Variants in SLC8A3 observed in about 807,000 individuals in gnomAD.
The protein encoded by SLC8A3 is solute carrier family 8 member A3.
A neutral mutation model predicts 65.4 loss-of-function variants in SLC8A3; 37 were observed. The observed-to-expected ratio is 0.57, with a 90% CI of 0.44 to 0.74. The LOEUF is 0.74. Among genes scored for constraint, SLC8A3 ranks in the 30% least tolerant of loss-of-function variants. The probability of loss-of-function intolerance (pLI) is 0.00; values close to 1 mark genes in which losing one functional copy is unlikely to be tolerated. For missense variants in SLC8A3, 1,112 were observed against 1,172.1 expected (o/e 0.95, Z 0.75); for synonymous variants, 461 against 444.5 (o/e 1.04, Z -0.47).
chr14:70,066,539 G>A (rs746925028), intron 2 of SLC8A3, among the ~76,000 whole-genome samples: 1 of 152,084 alleles, frequency 6.6e-6, no homozygotes, highest in Admixed American at 6.6e-5. Flanking sequence ...TGGCCAGCGC[G>A]GTGCCTCACA....
Position 70,097,945 on chromosome 14 carries a change from TAAACCTCC to T in SLC8A3, c.1785-37014_1785-37007del, listed in dbSNP as rs1892299232. 3.9e-5 allele frequency among the ~76,000 whole-genome samples: 6 copies of T among 152,336 alleles called. No individual in the cohort carries two copies. The South Asian group carries it at 8.3e-4, about 21-fold the overall frequency. On this transcript the variant is annotated intron_variant, in intron 2 of 6. Transcript: ENST00000356921. The stretch of plus-strand genomic sequence containing the variant: ...ACCCCCTAGATCCCGTCTTTGAACA[TAAACCTCC>T]AATGTGTTAGTGTTGTCCTCTCTTT...
intron 2 of SLC8A3, among the ~76,000 whole-genome samples, chr14:70,067,489 GCTA>G (rs1889563713): frequency 6.6e-6 from 1 of 152,198 alleles, no homozygotes; most frequent in African/African-American, 2.4e-5. Context: ...TATCTGACTT[GCTA>G]CAGTAGTCCC....
At chr14:70,146,750 A>T (rs184329646) in intron 2 of SLC8A3, among the ~76,000 whole-genome samples, 3 of 152,054 alleles carry the variant, frequency 2.0e-5, no homozygotes, top group Admixed American at 2.0e-4. Flanking sequence ...CGTTTTTCAC[A>T]TGTTTGTGTT....
At chr14:70,097,068 G>C (rs1566777516) in intron 2 of SLC8A3, among the ~76,000 whole-genome samples, 1 of 152,160 alleles carries the variant, frequency 6.6e-6, no homozygotes, top group Non-Finnish European at 1.5e-5. Flanking sequence ...CTGGCCGCTA[G>C]AGAGGCTCCT....
intron 2 of SLC8A3, among the ~76,000 whole-genome samples, chr14:70,130,086 A>C (rs572307167): frequency 6.6e-6 from 1 of 152,150 alleles, no homozygotes; most frequent in Non-Finnish European, 1.5e-5. Context: ...TGAGCTGTTT[A>C]TTCTACTGTT....
Position 70,065,140 on chromosome 14 carries a change from C to T in SLC8A3, c.1785-4201G>A, listed in dbSNP as rs571811313. On this transcript the variant is annotated intron_variant, in intron 2 of 6. Coordinates refer to ENST00000356921, the MANE Select transcript of SLC8A3 (RefSeq NM_182932.3). ...CTGGCTTTGTTGGAGGAGACTGAGG[C>T]CTTCAGTCTCCTTTTTTTCTTTTTT... Among the ~76,000 whole-genome samples, 7 of 152,270 alleles carry T rather than the reference C, an allele frequency of 4.6e-5. No homozygotes were observed. In the South Asian group the frequency reaches 1.5e-3, roughly 32 times the overall value.
At chr14:70,162,088 C>A (rs61978183) in intron 2 of SLC8A3, among the ~76,000 whole-genome samples, 30,560 of 152,144 alleles carry the variant, frequency 0.2, 3,262 homozygotes, top group Middle Eastern at 0.26. Context: ...GAGATTAAAA[C>A]TAGTCCATAA....
At chr14:70,086,465 G>C (rs200844217) in intron 2 of SLC8A3, among the ~76,000 whole-genome samples, 2 of 137,374 alleles carry the variant, frequency 1.5e-5, no homozygotes, top group Admixed American at 1.6e-4. Context: ...GCAATGGCAC[G>C]ATCTTGGCTC....
intron 2 of SLC8A3, among the ~76,000 whole-genome samples, chr14:70,164,527 G>A (rs561589194): frequency 9.9e-5 from 15 of 152,220 alleles, no homozygotes; most frequent in African/African-American, 2.6e-4. Flanking sequence ...GATCATTTGC[G>A]AGGCTCATTT....
In SLC8A3 at chr14:70,052,050, C is replaced by T. The variant is rs1887572600; in HGVS notation, c.1953G>A (p.Lys651=). 3 of 1,613,004 alleles carry T rather than the reference C, an allele frequency of 1.9e-6. No individual in the cohort carries two copies. In the Admixed American group the frequency reaches 5.0e-5, roughly 27 times the overall value. ...EEAKRIAEMG[K]PVLGEHPKLE... ...GTTTGGGGTGTTCACCCAATACTGG[C>T]TTTCCCATCTCTGCTATCCTCTTGG... The change falls in exon 4 of 7, where the codon AAG becomes AAA. Residue 651 remains lysine, a synonymous_variant. Transcript: ENST00000356921.
chr14:70,124,104 A>G (rs1894275178), intron 2 of SLC8A3, among the ~76,000 whole-genome samples: 1 of 152,058 alleles, frequency 6.6e-6, no homozygotes, highest in Non-Finnish European at 1.5e-5. Context: ...AAACACCCCC[A>G]TTTTACAGAA....
At chr14:70,067,903 T>C (rs940538516) in intron 2 of SLC8A3, among the ~76,000 whole-genome samples, 1 of 152,168 alleles carries the variant, frequency 6.6e-6, no homozygotes, top group Non-Finnish European at 1.5e-5. Flanking sequence ...GGGGACAGAT[T>C]ATCCTGAGCA....
intron 2 of SLC8A3, among the ~76,000 whole-genome samples, chr14:70,156,511 C>T (rs572293469): frequency 6.6e-6 from 1 of 152,302 alleles, no homozygotes; most frequent in East Asian, 1.9e-4. Context: ...TCCAAGATGG[C>T]CCCCTGGATG....
rs1566825799 is a variant in SLC8A3 at position 70,167,053 on chromosome 14, G to T, written c.1370C>A (p.Pro457Gln). 6.2e-7 allele frequency: 1 copy of T among 1,613,872 alleles called. No individual in the cohort carries two copies. The highest frequency in any genetic ancestry group is 1.3e-5 in the African/African-American group (1 of 75,026). ...EFTEGTVVLK[P>Q]GETQKEFSVG... is the part of the protein sequence containing the mutation. ...GGAGAACTCCTTCTGGGTCTCTCCT[G>T]GCTTCAGAACCACCGTGCCCTCTGT... Residue 457 changes from proline to glutamine, a missense_variant, in exon 2 of 7, where the codon CCA (proline) becomes CAA (glutamine). Transcript: ENST00000356921.
chr14:70,131,285 G>T (rs1017421077), intron 2 of SLC8A3, among the ~76,000 whole-genome samples: 22 of 152,220 alleles, frequency 1.4e-4, no homozygotes, highest in Non-Finnish European at 2.8e-4. Flanking sequence ...GTTTGGGTGA[G>T]AATTGGAGGT....
chr14:70,149,080 G>C (rs1896106970), intron 2 of SLC8A3, among the ~76,000 whole-genome samples: 1 of 152,168 alleles, frequency 6.6e-6, no homozygotes, highest in Non-Finnish European at 1.5e-5. Flanking sequence ...CAGGCTTAGT[G>C]TAAGGATCAT....
intron 2 of SLC8A3, among the ~76,000 whole-genome samples, chr14:70,074,002 T>C (rs1161513358): frequency 6.6e-6 from 1 of 152,218 alleles, no homozygotes; most frequent in Non-Finnish European, 1.5e-5. Context: ...ATTAGAGACT[T>C]AACTGCATGG....
At chr14:70,111,651 T>C (rs1361161739) in intron 2 of SLC8A3, among the ~76,000 whole-genome samples, 1 of 152,248 alleles carries the variant, frequency 6.6e-6, no homozygotes, top group Non-Finnish European at 1.5e-5. Context: ...CAACTTACTT[T>C]CTGTGATGTC....
chr14:70,153,980 T>A (rs968499840), intron 2 of SLC8A3, among the ~76,000 whole-genome samples: 3 of 152,110 alleles, frequency 2.0e-5, no homozygotes, highest in Admixed American at 6.5e-5. Context: ...CAAACAAGAA[T>A]CCTCTGCAGA....
Sources: allele counts gnomAD v4.1 joint callset (sites outside exome capture counted in the v4.1 genomes callset), GRCh38; gene constraint gnomAD v4.1.1; transcripts MANE v1.5; gene names NCBI Gene and HGNC (gene_info 2026-07-23, HGNC 2026-07-21).